The following CCSER1 variants were observed in gnomAD, a reference collection of about 807,000 sequenced individuals.
CCSER1 encodes the protein serine-rich coiled-coil domain-containing protein 1.
CCSER1 carries 41 observed loss-of-function variants against 82.0 expected under a neutral mutation model. That is an observed-to-expected ratio of 0.50 (90% CI 0.39 to 0.65). The LOEUF (loss-of-function observed/expected upper bound fraction) is 0.65, where lower values mean the gene tolerates loss of function less well. Among genes scored for constraint, CCSER1 ranks in the 30% least tolerant of loss-of-function variants. CCSER1 has a pLI of 0.00. For missense variants in CCSER1, 1,119 were observed against 1,064.2 expected (o/e 1.05, Z -0.72); for synonymous variants, 414 against 383.9 (o/e 1.08, Z -0.92).
At chr4:91,009,724 T>G (rs940657786) in intron 9 of CCSER1, among the ~76,000 whole-genome samples, 1 of 152,200 alleles carries the variant, frequency 6.6e-6, no homozygotes, top group African/African-American at 2.4e-5. Flanking sequence ...TTCTATTGTT[T>G]TAACAGACTA....
chr4:90,494,882 C>G (rs1375942799), intron 5 of CCSER1, among the ~76,000 whole-genome samples: 1 of 151,532 alleles, frequency 6.6e-6, no homozygotes, highest in Non-Finnish European at 1.5e-5. Context: ...CTTCAAAATA[C>G]TAGTCTTTTT....
chr4:90,479,802 G>A (rs1215395191), intron 5 of CCSER1, among the ~76,000 whole-genome samples: 5 of 152,156 alleles, frequency 3.3e-5, no homozygotes, highest in Non-Finnish European at 5.9e-5. Context: ...TTGGGTCCAA[G>A]TCTTTGCTAT....
intron 10 of CCSER1, among the ~76,000 whole-genome samples, chr4:91,122,030 T>A (rs550959135): frequency 7.3e-5 from 11 of 151,722 alleles, no homozygotes; most frequent in African/African-American, 2.7e-4. Flanking sequence ...CTTTTGTGAT[T>A]TGTTTCTCCT....
chr4:91,391,938 G>A (rs917751644), intron 10 of CCSER1, among the ~76,000 whole-genome samples: 3 of 152,046 alleles, frequency 2.0e-5, no homozygotes, highest in African/African-American at 7.2e-5. Context: ...ATGCACATAT[G>A]TACATATACA....
intron 7 of CCSER1, among the ~76,000 whole-genome samples, chr4:90,767,955 A>G (rs2149548886): frequency 6.6e-6 from 1 of 152,286 alleles, no homozygotes; most frequent in Admixed American, 6.5e-5. Flanking sequence ...GCCTGACCAA[A>G]CAAGGAAGTT....
intron 6 of CCSER1, among the ~76,000 whole-genome samples, chr4:90,651,460 G>A (rs62314388): frequency 0.025 from 3,869 of 152,160 alleles, 73 homozygotes; most frequent in Non-Finnish European, 0.042. Context: ...AACACCACAC[G>A]TTCTCACTCA....
intron 1 of CCSER1, among the ~76,000 whole-genome samples, chr4:90,299,464 A>C (rs1365845323): frequency 6.6e-6 from 1 of 152,104 alleles, no homozygotes; most frequent in African/African-American, 2.4e-5. Context: ...AAACATATCT[A>C]ATCAATTATG....
At chr4:90,859,592 A>G (rs993703122) in intron 8 of CCSER1, among the ~76,000 whole-genome samples, 5 of 151,846 alleles carry the variant, frequency 3.3e-5, no homozygotes, top group South Asian at 2.1e-4. Context: ...TCAAATTTCT[A>G]TTTCTCTCTG....
intron 10 of CCSER1, among the ~76,000 whole-genome samples, chr4:91,525,623 G>T (rs1422199407): frequency 6.6e-6 from 1 of 151,948 alleles, no homozygotes; most frequent in Non-Finnish European, 1.5e-5. Flanking sequence ...CTTATTATCA[G>T]CCTCCTGCTC....
At chr4:91,386,913 A>T (rs2149345127) in intron 10 of CCSER1, among the ~76,000 whole-genome samples, 2 of 152,158 alleles carry the variant, frequency 1.3e-5, no homozygotes, top group Middle Eastern at 6.8e-3. Flanking sequence ...AAATATCATG[A>T]TAGAAAAAGA....
intron 10 of CCSER1, among the ~76,000 whole-genome samples, chr4:91,428,004 A>G (rs1404407729): frequency 1.3e-5 from 2 of 152,028 alleles, no homozygotes; most frequent in African/African-American, 4.8e-5. Context: ...AAGGGTATAA[A>G]AGTGATTCTA....
chr4:90,354,069 T>C (rs1232683677), intron 3 of CCSER1, among the ~76,000 whole-genome samples: 2 of 152,086 alleles, frequency 1.3e-5, no homozygotes, highest in African/African-American at 4.8e-5. Context: ...GATAAACAGA[T>C]AAAGAATATG....
At chr4:90,618,455 A>G (rs553701724) in intron 5 of CCSER1, among the ~76,000 whole-genome samples, 1 of 152,142 alleles carries the variant, frequency 6.6e-6, no homozygotes, top group South Asian at 2.1e-4. Context: ...CATAAATCAT[A>G]TCTAAATTCC....
chr4:90,512,174 C>T (rs1771619282), intron 5 of CCSER1, among the ~76,000 whole-genome samples: 1 of 151,900 alleles, frequency 6.6e-6, no homozygotes, highest in African/African-American at 2.4e-5. Flanking sequence ...ACTGATCTGC[C>T]TGAGAATGGA....
At chr4:90,534,179 G>C (rs936612145) in intron 5 of CCSER1, among the ~76,000 whole-genome samples, 1 of 152,170 alleles carries the variant, frequency 6.6e-6, no homozygotes, top group Non-Finnish European at 1.5e-5. Context: ...GCCCAGGCTG[G>C]AGAGCAGTGG....
chr4:90,787,352 G>A (rs1754653760), intron 7 of CCSER1, among the ~76,000 whole-genome samples: 4 of 152,166 alleles, frequency 2.6e-5, no homozygotes, highest in African/African-American at 7.2e-5. Context: ...CAAAGGCCAC[G>A]GAGTTATGAG....
intron 9 of CCSER1, among the ~76,000 whole-genome samples, chr4:91,064,841 A>C (rs1485747467): frequency 6.6e-6 from 1 of 150,484 alleles, no homozygotes; most frequent in Non-Finnish European, 1.5e-5. Flanking sequence ...CGTAGGGGAC[A>C]GAGGAACACA....
At chr4:91,173,012 A>G (rs1293178835) in intron 10 of CCSER1, among the ~76,000 whole-genome samples, 1 of 152,192 alleles carries the variant, frequency 6.6e-6, no homozygotes, top group Admixed American at 6.5e-5. Context: ...TATTACATTT[A>G]GACTATTGAA....
At chr4:90,440,113 C>T (rs1282512507) in intron 4 of CCSER1, among the ~76,000 whole-genome samples, 1 of 152,018 alleles carries the variant, frequency 6.6e-6, no homozygotes, top group African/African-American at 2.4e-5. Flanking sequence ...AAGTAATCAT[C>T]CCACCTCAAC....
Sources: gnomAD v4.1 joint callset for allele counts (sites outside exome capture counted in the v4.1 genomes callset) on GRCh38, gnomAD v4.1.1 for gene constraint, MANE v1.5 for transcripts, NCBI Gene and HGNC (gene_info 2026-07-23, HGNC 2026-07-21) for gene names.